Variants in TMC2 observed in about 807,000 individuals in gnomAD.
The protein encoded by TMC2 is transmembrane channel like 2.
A neutral mutation model predicts 105.9 loss-of-function variants in TMC2; 102 were observed. That is an observed-to-expected ratio of 0.96 (90% CI 0.82 to 1.14). The LOEUF is 1.14. Ranked by LOEUF, TMC2 falls within the 50% of genes most tolerant of loss-of-function variation. The pLI is 0.00. For synonymous variants in TMC2, 402 were observed against 422.8 expected (o/e 0.95, Z 0.60); for missense variants, 1,093 against 1,134.3 (o/e 0.96, Z 0.52).
chr20:2,548,645 A>G (rs1288065452), intron 2 of TMC2, among the ~76,000 whole-genome samples: 1 of 152,048 alleles, frequency 6.6e-6, no homozygotes, highest in African/African-American at 2.4e-5. Flanking sequence ...TCTCAAAAAA[A>G]AAAAAGAAAG....
chr20:2,613,510 T>A, intron 14 of TMC2, 188 bp downstream of exon 14: 2 of 759,794 alleles, frequency 2.6e-6, no homozygotes, highest in Non-Finnish European at 4.3e-6. Context: ...TAAGGGAAAC[T>A]GCTTTTTCCC....
intron 2 of TMC2, among the ~76,000 whole-genome samples, chr20:2,539,400 T>C (rs188029249): frequency 6.6e-6 from 1 of 152,114 alleles, no homozygotes; most frequent in Non-Finnish European, 1.5e-5. Context: ...AGAAAAAAAA[T>C]TGTAACACCA....
intron 17 of TMC2, among the ~76,000 whole-genome samples, chr20:2,628,460 G>A (rs2086579673): frequency 6.6e-6 from 1 of 151,824 alleles, no homozygotes; most frequent in Admixed American, 6.6e-5. Context: ...ATATAGTTAG[G>A]CTTTGTGCCC....
intron 4 of TMC2, among the ~76,000 whole-genome samples, chr20:2,569,677 C>T (rs1350731312): frequency 2.0e-5 from 3 of 152,178 alleles, no homozygotes; most frequent in African/African-American, 4.8e-5. Flanking sequence ...AAATACCACT[C>T]GTTAATTAGT....
At chr20:2,584,259 A>C (rs1372227584) in intron 7 of TMC2, among the ~76,000 whole-genome samples, 1 of 151,356 alleles carries the variant, frequency 6.6e-6, no homozygotes, top group Non-Finnish European at 1.5e-5. Flanking sequence ...CCCGGCTAAC[A>C]CGGTGAAACC....
intron 11 of TMC2, 60 bp downstream of exon 11, chr20:2,602,361 C>A (rs994600109): frequency 4.5e-5 from 56 of 1,253,738 alleles, no homozygotes; most frequent in Non-Finnish European, 9.7e-6. Flanking sequence ...TCACTGGTTC[C>A]TATGCCATTC....
intron 19 of TMC2, among the ~76,000 whole-genome samples, chr20:2,640,490 C>T (rs2086680600): frequency 6.6e-6 from 1 of 152,188 alleles, no homozygotes; most frequent in Non-Finnish European, 1.5e-5. Context: ...TTTCACCTGA[C>T]AGCCTCAAGT....
chr20:2,573,845 C>A (rs1389168734), intron 5 of TMC2, among the ~76,000 whole-genome samples: 1 of 152,168 alleles, frequency 6.6e-6, no homozygotes, highest in African/African-American at 2.4e-5. Context: ...CAGGCGTGAG[C>A]CACCACGCCC....
chr20:2,624,231 A>G, intron 16 of TMC2, 40 bp from the exon 17 acceptor site: 3 of 1,600,386 alleles, frequency 1.9e-6, no homozygotes, highest in Non-Finnish European at 2.6e-6. Flanking sequence ...TGCCACAGGC[A>G]CATGGCAGCA....
chr20:2,536,682 G>A (rs749820817), intron 1 of TMC2, 27 bp downstream of exon 1: 4 of 1,564,672 alleles, frequency 2.6e-6, no homozygotes, highest in Non-Finnish European at 3.5e-6. Flanking sequence ...ATCCTGCGGG[G>A]CCCGCCCACA....
At chr20:2,598,903 GAGAC>G (rs2086329092) in intron 10 of TMC2, among the ~76,000 whole-genome samples, 4 of 152,004 alleles carry the variant, frequency 2.6e-5, no homozygotes, top group Admixed American at 2.6e-4. Context: ...GATAAAAAAA[GAGAC>G]AGAAAGTTTC....
intron 7 of TMC2, among the ~76,000 whole-genome samples, chr20:2,590,187 TACAGGCAAAACTAA>T (rs1409995838): frequency 6.6e-6 from 1 of 152,182 alleles, no homozygotes; most frequent in Non-Finnish European, 1.5e-5. Context: ...GATTCCATTT[TACAGGCAAAACTAA>T]ACAGGCAAAA....
Position 2,579,121 on chromosome 20 carries a change from G to A in TMC2, c.646-25G>A, listed in dbSNP as rs1263070994. 3.7e-6 allele frequency: 5 copies of A among 1,338,256 alleles called. No individual in the cohort carries two copies. In the South Asian group the frequency reaches 5.9e-5, roughly 16 times the overall value. 82.9% of individuals were successfully genotyped at this position (1,338,256 alleles called of 1,614,324 possible). On this transcript the variant is annotated intron_variant, in intron 5 of 19. Transcript: ENST00000358864. ...CTCCAGGTTGACATGTTAAGGAACT[G>A]AGAGTTTTACGTCTTTTATTTCAGA... is the stretch of plus-strand genomic sequence containing the variant.
chr20:2,580,086 T>C (rs746185024), intron 7 of TMC2, 30 bp downstream of exon 7: 30 of 1,445,064 alleles, frequency 2.1e-5, no homozygotes, highest in Non-Finnish European at 2.7e-5. Context: ...AATCTTTGGA[T>C]AGAGTTAAGG....
At chr20:2,555,464 T>A (rs1400920809) in intron 2 of TMC2, among the ~76,000 whole-genome samples, 1 of 152,188 alleles carries the variant, frequency 6.6e-6, no homozygotes, top group African/African-American at 2.4e-5. Context: ...GCTTTTTTTT[T>A]TATAATCAGG....
At chr20:2,599,260 T>C (rs1209487199) in intron 10 of TMC2, among the ~76,000 whole-genome samples, 1 of 143,554 alleles carries the variant, frequency 7.0e-6, no homozygotes, top group Non-Finnish European at 1.5e-5. Flanking sequence ...AGAGTGAGAC[T>C]CTGGCTCAAA....
At chr20:2,550,930 G>A (rs1259303662) in intron 2 of TMC2, among the ~76,000 whole-genome samples, 1 of 152,170 alleles carries the variant, frequency 6.6e-6, no homozygotes. Flanking sequence ...TTATGAATAA[G>A]GTGGCCGTAA....
chr20:2,637,816 C>T (rs895203479), intron 19 of TMC2, among the ~76,000 whole-genome samples: 1 of 152,136 alleles, frequency 6.6e-6, no homozygotes, highest in African/African-American at 2.4e-5. Context: ...TACCAGAATT[C>T]CTGGCACAGA....
chr20:2,620,921 G>A (rs1053436836), intron 16 of TMC2, among the ~76,000 whole-genome samples: 1 of 152,114 alleles, frequency 6.6e-6, no homozygotes, highest in Non-Finnish European at 1.5e-5. Context: ...CTCCCTTTTG[G>A]TAATGGAGTG....
Sources: allele counts gnomAD v4.1 joint callset (sites outside exome capture counted in the v4.1 genomes callset), GRCh38; gene constraint gnomAD v4.1.1; transcripts MANE v1.5; gene names NCBI Gene and HGNC (gene_info 2026-07-23, HGNC 2026-07-21).